The following DLG2 variants were observed in gnomAD, a reference collection of about 807,000 sequenced individuals.
DLG2 encodes discs large MAGUK scaffold protein 2, also known as disks large homolog 2.
A neutral mutation model predicts 132.5 loss-of-function variants in DLG2; 45 were observed. The observed-to-expected ratio is 0.34, with a 90% CI of 0.27 to 0.44. DLG2 has a LOEUF of 0.44. Ranked by LOEUF, DLG2 falls within the 20% of genes least tolerant of loss-of-function variation. DLG2 has a pLI of 1.00. For missense variants in DLG2, 1,045 were observed against 1,196.9 expected (o/e 0.87, Z 1.87); for synonymous variants, 424 against 419.6 (o/e 1.01, Z -0.13).
chr11:83,926,058 C>T (rs1317125102), intron 15 of DLG2, among the ~76,000 whole-genome samples: 1 of 152,040 alleles, frequency 6.6e-6, no homozygotes. Context: ...GCCATAGGCA[C>T]TGTGCCAAGT....
At chr11:84,351,532 A>G (rs1046807729) in intron 7 of DLG2, among the ~76,000 whole-genome samples, 1 of 152,240 alleles carries the variant, frequency 6.6e-6, no homozygotes, top group Admixed American at 6.5e-5. Flanking sequence ...TACCTTAAAA[A>G]ATATTAATGG....
chr11:85,047,511 G>T (rs1377307), intron 6 of DLG2, among the ~76,000 whole-genome samples: 2,975 of 151,856 alleles, frequency 0.02, 52 homozygotes, highest in Admixed American at 0.042. Flanking sequence ...GGAGTGAGAA[G>T]GTTTAGCCTC....
intron 6 of DLG2, among the ~76,000 whole-genome samples, chr11:84,960,726 C>G (rs2052434639): frequency 6.6e-6 from 1 of 152,052 alleles, no homozygotes; most frequent in Admixed American, 6.6e-5. Context: ...AGGACATAAG[C>G]TTTATTTCTT....
At chr11:83,667,994 A>AG (rs1325448112) in intron 18 of DLG2, among the ~76,000 whole-genome samples, 4 of 147,726 alleles carry the variant, frequency 2.7e-5, no homozygotes, top group South Asian at 2.1e-4. Context: ...AAAAAAAAAA[A>AG]AAAGAAATTA....
In DLG2 at chr11:84,107,336, A is replaced by G. The variant is rs186054607; in HGVS notation, c.625-8289T>C. Among the ~76,000 whole-genome samples the G allele has an allele frequency of 3.8e-3, 571 of 152,204 alleles. 1 individual carries two copies. Among genetic ancestry groups the G allele is most frequent in the Non-Finnish European group, 6.4e-3 (436 of 68,006 alleles). ...GTGCTGACATGAAAAGATCTTTACA[A>G]AATAGTTGTAGATAAAGTAGGAGAC... is the stretch of plus-strand genomic sequence containing the variant. On this transcript the variant is annotated intron_variant, in intron 9 of 27. Transcript: ENST00000376104.
chr11:84,419,096 G>A (rs2098939708), intron 7 of DLG2, among the ~76,000 whole-genome samples: 1 of 152,010 alleles, frequency 6.6e-6, no homozygotes, highest in African/African-American at 2.4e-5. Context: ...TCAAAGTTTT[G>A]TGAATATATG....
At chr11:84,637,406 G>T (rs780771868) in intron 6 of DLG2, among the ~76,000 whole-genome samples, 2 of 152,202 alleles carry the variant, frequency 1.3e-5, no homozygotes, top group Non-Finnish European at 2.9e-5. Context: ...TGAACAACTT[G>T]AAAGCAGTGG....
At chr11:84,401,760 GA>G (rs1048902078) in intron 7 of DLG2, among the ~76,000 whole-genome samples, 1 of 152,132 alleles carries the variant, frequency 6.6e-6, no homozygotes, top group Non-Finnish European at 1.5e-5. Context: ...TTGGCTCACC[GA>G]AAGCTCCGCC....
chr11:84,140,847 A>G (rs1176345897), intron 9 of DLG2, among the ~76,000 whole-genome samples: 9 of 152,132 alleles, frequency 5.9e-5, no homozygotes, highest in African/African-American at 2.2e-4. Context: ...TGAGAGAATG[A>G]ATATATTACT....
intron 3 of DLG2, among the ~76,000 whole-genome samples, chr11:85,475,387 C>G (rs72953914): frequency 0.028 from 4,199 of 151,914 alleles, 97 homozygotes; most frequent in East Asian, 0.095. Flanking sequence ...CTAATATAAC[C>G]TTGAAACCAA....
intron 4 of DLG2, among the ~76,000 whole-genome samples, chr11:85,228,315 A>C (rs2075094891): frequency 6.6e-6 from 1 of 152,078 alleles, no homozygotes; most frequent in Non-Finnish European, 1.5e-5. Flanking sequence ...AGAAATAGGA[A>C]GGATGCCAGA....
intron 6 of DLG2, among the ~76,000 whole-genome samples, chr11:84,626,753 C>A (rs1409968002): frequency 6.6e-6 from 1 of 152,158 alleles, no homozygotes; most frequent in Non-Finnish European, 1.5e-5. Flanking sequence ...AACTACGGCC[C>A]AAGGTTTTCT....
At chr11:83,936,443 C>T (rs920278108) in intron 14 of DLG2, among the ~76,000 whole-genome samples, 19 of 152,328 alleles carry the variant, frequency 1.2e-4, no homozygotes, top group African/African-American at 4.3e-4. Context: ...GTATGGTTCA[C>T]AGCTGTGGTA....
chr11:85,478,927 A>G (rs985932149), intron 3 of DLG2, among the ~76,000 whole-genome samples: 5 of 152,244 alleles, frequency 3.3e-5, no homozygotes, highest in Non-Finnish European at 5.9e-5. Context: ...TAAGATTCTT[A>G]GAAGAAAACA....
chr11:85,456,342 TG>T (rs1478554575), intron 3 of DLG2, among the ~76,000 whole-genome samples: 1 of 152,184 alleles, frequency 6.6e-6, no homozygotes, highest in East Asian at 1.9e-4. Context: ...TGTGTTTATT[TG>T]GATTTTCTAT....
intron 3 of DLG2, among the ~76,000 whole-genome samples, chr11:85,378,639 AACT>A (rs1220692074): frequency 6.6e-6 from 1 of 152,118 alleles, no homozygotes; most frequent in African/African-American, 2.4e-5. Context: ...ATACAAGAAA[AACT>A]ACTACTTCAG....
intron 18 of DLG2, among the ~76,000 whole-genome samples, chr11:83,678,689 G>A (rs1219748356): frequency 3.9e-5 from 6 of 152,144 alleles, no homozygotes; most frequent in African/African-American, 7.2e-5. Flanking sequence ...AAGGGACAGA[G>A]AGCAAGATCT....
chr11:83,518,918 C>T (rs1443057293), intron 21 of DLG2, among the ~76,000 whole-genome samples: 1 of 152,112 alleles, frequency 6.6e-6, no homozygotes, highest in Non-Finnish European at 1.5e-5. Flanking sequence ...TGGGAGGGGG[C>T]TGGACTGAGG....
Position 85,004,268 on chromosome 11 carries a change from G to A in DLG2, c.357+107393C>T, listed in dbSNP as rs141605208. Among the ~76,000 whole-genome samples the A allele has an allele frequency of 8.9e-3, 1,349 of 152,212 alleles. 15 individuals are homozygous for A. The highest frequency in any genetic ancestry group is 0.031 in the African/African-American group (1,278 of 41,544). On this transcript the variant is annotated intron_variant, in intron 6 of 27. Transcript: ENST00000376104. ...GATTGCTGAGGCAAATGGTATTTCTGGTTCTCCATCTTTGAAGAATCGCCA... is the reference window on the plus strand; with the variant it reads ...GATTGCTGAGGCAAATGGTATTTCTAGTTCTCCATCTTTGAAGAATCGCCA...
Sources: allele counts gnomAD v4.1 joint callset (sites outside exome capture counted in the v4.1 genomes callset), GRCh38; gene constraint gnomAD v4.1.1; transcripts MANE v1.5; gene names NCBI Gene and HGNC (gene_info 2026-07-23, HGNC 2026-07-21).